Variants in VWA3B observed in about 807,000 individuals in gnomAD.
VWA3B encodes von Willebrand factor A domain containing 3B.
VWA3B carries 138 observed loss-of-function variants against 158.3 expected under a neutral mutation model. That is an observed-to-expected ratio of 0.87 (90% CI 0.76 to 1.00). The LOEUF (loss-of-function observed/expected upper bound fraction) is 1.00, where lower values mean the gene tolerates loss of function less well. VWA3B is among the 50% of genes least tolerant of loss of function. VWA3B has a pLI of 0.00. For missense variants in VWA3B, 1,555 were observed against 1,565.1 expected (o/e 0.99, Z 0.11); for synonymous variants, 596 against 587.3 (o/e 1.01, Z -0.21).
At chr2:98,094,058 G>T (rs1023934365) in intron 2 of VWA3B, among the ~76,000 whole-genome samples, 8 of 152,258 alleles carry the variant, frequency 5.3e-5, no homozygotes, top group South Asian at 2.1e-4. Context: ...CACTTAAGTT[G>T]ATTTCGTTAT....
At chr2:98,244,515 A>G (rs1686271854) in intron 19 of VWA3B, among the ~76,000 whole-genome samples, 1 of 152,172 alleles carries the variant, frequency 6.6e-6, no homozygotes, top group African/African-American at 2.4e-5. Context: ...CCATGTCTCA[A>G]CTACCAAGAA....
intron 2 of VWA3B, among the ~76,000 whole-genome samples, chr2:98,110,739 C>T (rs569674423): frequency 6.6e-6 from 1 of 152,318 alleles, no homozygotes; most frequent in African/African-American, 2.4e-5. Context: ...ACCCTTGATA[C>T]AGTCTGGCTG....
rs1268489253 is a variant in VWA3B, at chr2:98,236,401, T to G, written c.2440T>G (p.Leu814Val). The change falls in exon 18 of 28, where the codon TTG (leucine) becomes GTG (valine). Residue 814 changes from leucine to valine, a missense_variant. Physicochemically the swap from Leu to Val is conservative, Grantham distance 32. Coordinates refer to ENST00000477737, the MANE Select transcript of VWA3B (RefSeq NM_144992.5). Reference sequence around the variant, plus strand: ...TTCCCCTTCCACAGAAATGAGCATCTTGCTGGCTGAGGAGTGGCTGGATGA... The same window carrying G: ...TTCCCCTTCCACAGAAATGAGCATCGTGCTGGCTGAGGAGTGGCTGGATGA... ...TALSDKEMSILLAEEWLDDKS... is the reference protein window; with the variant it reads ...TALSDKEMSIVLAEEWLDDKS... 3 of 1,614,106 alleles carry G rather than the reference T, an allele frequency of 1.9e-6. No individual in the cohort carries two copies. The highest frequency in any genetic ancestry group is 1.7e-5 in the Admixed American group (1 of 60,000).
intron 9 of VWA3B, among the ~76,000 whole-genome samples, chr2:98,183,538 C>G (rs1178921543): frequency 6.6e-6 from 1 of 152,102 alleles, no homozygotes; most frequent in Non-Finnish European, 1.5e-5. Flanking sequence ...AATTTCAGGC[C>G]AAGCCTAAGA....
Position 98,298,154 on chromosome 2 carries a change from T to A in VWA3B, c.3282+123T>A. 6.3e-6 allele frequency: 8 copies of A among 1,268,054 alleles called. No homozygotes were observed. In the South Asian group the frequency reaches 1.9e-4, roughly 31 times the overall value. The allele number at this position is 1,268,054 out of a possible 1,614,324, so 78.6% of individuals were successfully genotyped here. A position where few individuals can be genotyped will look rare whatever the true frequency, so the allele number is the denominator to read the frequency against. On this transcript the variant is annotated intron_variant, in intron 24 of 27. Coordinates refer to ENST00000477737, the MANE Select transcript of VWA3B (RefSeq NM_144992.5). Reference sequence around the variant, plus strand: ...TACACGGGCTCCTGCAGGGAGGGTGTGTTTGGGCAGGAAGAACAATGGCCC... The same window carrying A: ...TACACGGGCTCCTGCAGGGAGGGTGAGTTTGGGCAGGAAGAACAATGGCCC...
At chr2:98,216,564 A>G (rs1490599794) in intron 13 of VWA3B, among the ~76,000 whole-genome samples, 3 of 152,130 alleles carry the variant, frequency 2.0e-5, no homozygotes, top group African/African-American at 7.2e-5. Context: ...CTTTCTTGCC[A>G]CTCCAGCTGA....
chr2:98,140,826 A>G (rs1292114080), intron 7 of VWA3B, among the ~76,000 whole-genome samples: 1 of 152,214 alleles, frequency 6.6e-6, no homozygotes. Context: ...AGACAGAGTC[A>G]CATTGAGCTT....
At chr2:98,161,702 G>A (rs749717316) in intron 7 of VWA3B, among the ~76,000 whole-genome samples, 12 of 151,976 alleles carry the variant, frequency 7.9e-5, no homozygotes, top group Non-Finnish European at 1.6e-4. Flanking sequence ...TTTATTTCAA[G>A]ATGGAGTCTC....
At chr2:98,208,074 T>C (rs527817267) in intron 12 of VWA3B, among the ~76,000 whole-genome samples, 2 of 152,316 alleles carry the variant, frequency 1.3e-5, no homozygotes, top group South Asian at 4.1e-4. Flanking sequence ...TTAGGGTCAT[T>C]GTCTTCTTGG....
rs561003123 is a variant in VWA3B, at chr2:98,313,076, G to A, written c.*727G>A. 6.6e-6 allele frequency: 1 copy of A among 152,220 alleles called. No individual in the cohort carries two copies. Among genetic ancestry groups the A allele is most frequent in the Admixed American group, 6.5e-5 (1 of 15,296 alleles). The allele number at this position is 152,220 out of a possible 1,614,324, so 9.4% of individuals were successfully genotyped here. A position where few individuals can be genotyped will look rare whatever the true frequency, so the allele number is the denominator to read the frequency against. ...CCATCAAATTTCGTTTTTCTAGTCGGTAAGATCCCTGAGGCTAGATGAAAA... is the reference window on the plus strand; with the variant it reads ...CCATCAAATTTCGTTTTTCTAGTCGATAAGATCCCTGAGGCTAGATGAAAA... On this transcript the variant is annotated 3_prime_UTR_variant, in exon 28 of 28. Coordinates refer to ENST00000477737, the MANE Select transcript of VWA3B (RefSeq NM_144992.5).
chr2:98,241,668 C>T (rs979589901), intron 19 of VWA3B, among the ~76,000 whole-genome samples: 1 of 151,916 alleles, frequency 6.6e-6, no homozygotes, highest in Non-Finnish European at 1.5e-5. Flanking sequence ...GGGGGGCATC[C>T]TAGTCGTCTG....
chr2:98,294,230 AGAAG>A (rs1415836426), intron 23 of VWA3B, among the ~76,000 whole-genome samples: 22 of 147,756 alleles, frequency 1.5e-4, no homozygotes, highest in Non-Finnish European at 2.6e-4. Context: ...AAAAAAAAAA[AGAAG>A]GCCAAATAAA....
chr2:98,302,025 CCT>C (rs938812607), intron 25 of VWA3B, among the ~76,000 whole-genome samples: 2 of 152,294 alleles, frequency 1.3e-5, no homozygotes, highest in Admixed American at 6.5e-5. Flanking sequence ...TCTCCTGCCT[CCT>C]CTCAACCCAC....
intron 21 of VWA3B, 21 bp from the exon 22 acceptor site, chr2:98,270,661 G>C: frequency 6.2e-7 from 1 of 1,600,936 alleles, no homozygotes; most frequent in Non-Finnish European, 8.5e-7. Context: ...CTGTTTGTTT[G>C]TTTGTTTCTT....
At chr2:98,179,318 G>T (rs1478930987) in intron 8 of VWA3B, 1 of 471,162 alleles carries the variant, frequency 2.1e-6, no homozygotes. Flanking sequence ...TCCCGCTCAG[G>T]TAACATAACA....
chr2:98,095,297 C>T (rs1337498624), intron 2 of VWA3B, among the ~76,000 whole-genome samples: 1 of 152,044 alleles, frequency 6.6e-6, no homozygotes, highest in East Asian at 1.9e-4. Flanking sequence ...TCAATTTCAT[C>T]CATGTTTATA....
chr2:98,222,694 T>C (rs1292661413), intron 14 of VWA3B, among the ~76,000 whole-genome samples: 1 of 152,260 alleles, frequency 6.6e-6, no homozygotes, highest in East Asian at 1.9e-4. Flanking sequence ...GCCTCCTGTC[T>C]CTTCAGGCAG....
chr2:98,218,141 C>CA (rs1300668418), intron 14 of VWA3B, 113 bp downstream of exon 14: 3 of 1,189,256 alleles, frequency 2.5e-6, no homozygotes, highest in East Asian at 2.6e-5. Context: ...ATAACTAAGT[C>CA]AAAAAAATGA....
At chr2:98,161,586 A>T (rs1678584483) in intron 7 of VWA3B, among the ~76,000 whole-genome samples, 1 of 151,992 alleles carries the variant, frequency 6.6e-6, no homozygotes, top group Admixed American at 6.5e-5. Context: ...TCAAGATTTT[A>T]AAAATTAACC....
Sources: gnomAD v4.1 joint callset for allele counts (sites outside exome capture counted in the v4.1 genomes callset) on GRCh38, gnomAD v4.1.1 for gene constraint, MANE v1.5 for transcripts, NCBI Gene and HGNC (gene_info 2026-07-23, HGNC 2026-07-21) for gene names.